The following LASP1 variants were observed in gnomAD, a reference collection of about 807,000 sequenced individuals.
LASP1 encodes the protein LIM and SH3 protein 1.
In LASP1, 10 loss-of-function variants were observed where a neutral mutation model predicts 38.6. That is an observed-to-expected ratio of 0.26 (90% CI 0.16 to 0.44). The LOEUF is 0.44. Among genes scored for constraint, LASP1 ranks in the 20% least tolerant of loss-of-function variants. LASP1 has a pLI of 1.00. For missense variants in LASP1, 243 were observed against 375.7 expected (o/e 0.65, Z 2.92); for synonymous variants, 132 against 140.8 (o/e 0.94, Z 0.44).
intron 1 of LASP1, among the ~76,000 whole-genome samples, chr17:38,876,035 G>A (rs781454924): frequency 6.6e-6 from 1 of 152,114 alleles, no homozygotes; most frequent in Non-Finnish European, 1.5e-5. Flanking sequence ...CCCCTGTTTG[G>A]TGGTGATCCA....
In LASP1 at chr17:38,898,510, G is replaced by A. The variant is rs2143789570; in HGVS notation, c.348G>A (p.Gln116=). ...ELQRIKKTQD[Q]ISNIKYHEEF... ...AGAGAATCAAGAAGACCCAGGACCA[G>A]ATCAGTAACGTGAGCTCTTGCCCTG... Residue 116 remains glutamine, a synonymous_variant, in exon 4 of 7, where the codon CAG becomes CAA. Coordinates refer to ENST00000318008, the MANE Select transcript of LASP1 (RefSeq NM_006148.4). The A allele has an allele frequency of 6.5e-7, 1 of 1,550,000 alleles. No homozygotes were observed. The highest frequency in any genetic ancestry group is 1.2e-5 in the South Asian group (1 of 84,034).
chr17:38,887,751 A>G (rs1914184029), intron 2 of LASP1, among the ~76,000 whole-genome samples: 1 of 152,310 alleles, frequency 6.6e-6, no homozygotes, highest in East Asian at 1.9e-4. Context: ...AGAGCCCTGC[A>G]CTGGGCCCTG....
chr17:38,888,676 T>G (rs1214256798), intron 2 of LASP1, among the ~76,000 whole-genome samples: 1 of 152,238 alleles, frequency 6.6e-6, no homozygotes, highest in Non-Finnish European at 1.5e-5. Flanking sequence ...AATCCCTCCC[T>G]TCATAGAGAA....
intron 3 of LASP1, among the ~76,000 whole-genome samples, chr17:38,890,978 T>A (rs1240623115): frequency 6.6e-6 from 1 of 152,190 alleles, no homozygotes; most frequent in Non-Finnish European, 1.5e-5. Context: ...TAGGGGGCTG[T>A]TCCGCCTCTG....
chr17:38,884,495 C>T (rs1914053209), intron 2 of LASP1, among the ~76,000 whole-genome samples: 1 of 151,066 alleles, frequency 6.6e-6, no homozygotes, highest in African/African-American at 2.4e-5. Context: ...TCAAGCGGTT[C>T]TCCCGCCTCA....
intron 4 of LASP1, among the ~76,000 whole-genome samples, chr17:38,906,016 C>T (rs113266427): frequency 0.039 from 5,874 of 152,146 alleles, 262 homozygotes; most frequent in African/African-American, 0.1. Flanking sequence ...GCCATGATCA[C>T]GCCACCGCAC....
At chr17:38,887,488 G>A (rs1253880715) in intron 2 of LASP1, among the ~76,000 whole-genome samples, 1 of 152,224 alleles carries the variant, frequency 6.6e-6, no homozygotes, top group East Asian at 1.9e-4. Context: ...TGGCTGCACG[G>A]GGACGACCCC....
chr17:38,894,712 C>T (rs966844453), intron 3 of LASP1, among the ~76,000 whole-genome samples: 3 of 152,182 alleles, frequency 2.0e-5, no homozygotes, highest in East Asian at 3.9e-4. Context: ...GCTCTCCTCT[C>T]CATCTGTGTG....
intron 1 of LASP1, among the ~76,000 whole-genome samples, chr17:38,875,828 G>A (rs371852624): frequency 6.6e-6 from 1 of 152,132 alleles, no homozygotes; most frequent in Non-Finnish European, 1.5e-5. Context: ...GAAAAGCATC[G>A]CCTTGGGGGA....
chr17:38,883,495 G>A (rs188272952), intron 2 of LASP1, among the ~76,000 whole-genome samples: 2 of 152,276 alleles, frequency 1.3e-5, no homozygotes, highest in East Asian at 3.9e-4. Flanking sequence ...GAAAAATGGG[G>A]ACTAGGGATG....
intron 3 of LASP1, 87 bp downstream of exon 3, chr17:38,890,591 C>T: frequency 8.4e-7 from 1 of 1,192,152 alleles, no homozygotes; most frequent in Non-Finnish European, 1.2e-6. Context: ...GAGTACCTTC[C>T]CCTGCGGTTA....
At chr17:38,893,904 G>C (rs1914412833) in intron 3 of LASP1, among the ~76,000 whole-genome samples, 1 of 152,250 alleles carries the variant, frequency 6.6e-6, no homozygotes, top group Admixed American at 6.5e-5. Flanking sequence ...CACGGGGTCA[G>C]CTGGCTTCTC....
intron 2 of LASP1, among the ~76,000 whole-genome samples, chr17:38,889,786 AT>A: frequency 6.6e-6 from 1 of 152,186 alleles, no homozygotes; most frequent in Middle Eastern, 3.4e-3. Flanking sequence ...CTCAACCTGT[AT>A]TTTACCTGTC....
intron 3 of LASP1, among the ~76,000 whole-genome samples, chr17:38,895,268 C>A (rs1914454079): frequency 6.6e-6 from 1 of 151,548 alleles, no homozygotes; most frequent in Non-Finnish European, 1.5e-5. Context: ...TCTTGGCCTC[C>A]TAGACTGCTG....
chr17:38,873,101 G>A (rs147231985), intron 1 of LASP1, among the ~76,000 whole-genome samples: 9 of 152,236 alleles, frequency 5.9e-5, no homozygotes, highest in South Asian at 2.1e-4. Context: ...ACCTCGCCAC[G>A]TCCCTCTTTC....
intron 2 of LASP1, among the ~76,000 whole-genome samples, chr17:38,884,413 G>A (rs1914049596): frequency 6.8e-6 from 1 of 147,476 alleles, no homozygotes; most frequent in East Asian, 2.0e-4. Context: ...TTGAGACAGA[G>A]TTTCGCTCTT....
At position 38,896,978 on chromosome 17, in the gene LASP1, C is replaced by T. The variant is rs188918558; in HGVS notation, c.250-1434C>T. On this transcript the variant is annotated intron_variant, in intron 3 of 6. Coordinates refer to ENST00000318008, the MANE Select transcript of LASP1 (RefSeq NM_006148.4). The stretch of plus-strand genomic sequence containing the variant: ...CTACATTTCTCTGCCTCTGAGTGCC[C>T]TACCTTCCCCGATGCCCGCTTCCCA... 33 of 985,468 alleles carry T rather than the reference C, an allele frequency of 3.3e-5. No homozygotes were observed. In the East Asian group the frequency reaches 3.1e-3, roughly 91 times the overall value. The allele number at this position is 985,468 out of a possible 1,614,324, so 61.0% of individuals were successfully genotyped here.
intron 4 of LASP1, among the ~76,000 whole-genome samples, chr17:38,905,876 G>A (rs928065799): frequency 3.9e-5 from 6 of 152,014 alleles, no homozygotes; most frequent in African/African-American, 1.4e-4. Context: ...GGGCAACATA[G>A]CAAGATACCA....
At chr17:38,901,341 T>G (rs935060384) in intron 4 of LASP1, among the ~76,000 whole-genome samples, 1 of 152,240 alleles carries the variant, frequency 6.6e-6, no homozygotes, top group African/African-American at 2.4e-5. Context: ...TCTTTTACCC[T>G]TCTCGCGGTG....
Sources: gnomAD v4.1 joint callset for allele counts (sites outside exome capture counted in the v4.1 genomes callset) on GRCh38, gnomAD v4.1.1 for gene constraint, MANE v1.5 for transcripts, NCBI Gene and HGNC (gene_info 2026-07-23, HGNC 2026-07-21) for gene names.